The following CMTM7 variants were observed in gnomAD, a reference collection of about 807,000 sequenced individuals.
The protein encoded by CMTM7 is CKLF like MARVEL transmembrane domain containing 7.
Under a neutral mutation model 19.3 loss-of-function variants are expected in CMTM7, and 7 were observed. That is an observed-to-expected ratio of 0.36 (90% confidence interval 0.21 to 0.68). CMTM7 has a LOEUF of 0.68. CMTM7 is among the 30% of genes least tolerant of loss of function. The probability of loss-of-function intolerance (pLI) is 0.60; values close to 1 mark genes in which losing one functional copy is unlikely to be tolerated. For synonymous variants in CMTM7, 87 were observed against 99.3 expected, an observed-to-expected ratio of 0.88 and a Z score of 0.74; for missense variants, 193 against 232.6, an observed-to-expected ratio of 0.83 and a Z score of 1.11.
At chr3:32,431,296 G>A (rs1411991908) in intron 1 of CMTM7, among the ~76,000 whole-genome samples, 1 of 152,186 alleles carries the variant, frequency 6.6e-6, no homozygotes, top group Admixed American at 6.5e-5. Context: ...TGCCAGGGGA[G>A]GTGGTTATCT....
chr3:32,453,853 GAA>G (rs1696870470), intron 4 of CMTM7, among the ~76,000 whole-genome samples: 3 of 152,160 alleles, frequency 2.0e-5, no homozygotes, highest in Non-Finnish European at 4.4e-5. Flanking sequence ...AGAAAAAAAA[GAA>G]TGATTTTTAA....
intron 1 of CMTM7, among the ~76,000 whole-genome samples, chr3:32,395,871 AAC>A (rs538154974): frequency 2.2e-4 from 33 of 152,248 alleles, no homozygotes; most frequent in South Asian, 1.0e-3. Context: ...AAATGAAAAC[AAC>A]ACAGTTGCCC....
In CMTM7 at chr3:32,426,780, A is replaced by AT. The variant is rs1429836871; in HGVS notation, c.160-15058dup. Among the ~76,000 whole-genome samples, 12 of 152,364 alleles carry AT rather than the reference A, an allele frequency of 7.9e-5. No homozygotes were observed. In the South Asian group the frequency reaches 2.5e-3, roughly 32 times the overall value. ...GGCCGATATGCATGAGTGTTTTAAA[A>AT]TTATTAGAGGTGAAGTTATTGGTTC... On this transcript the variant is annotated intron_variant, in intron 1 of 4. Transcript: ENST00000334983.
intron 1 of CMTM7, among the ~76,000 whole-genome samples, chr3:32,434,442 G>A (rs1696564737): frequency 6.7e-6 from 1 of 148,904 alleles, no homozygotes; most frequent in African/African-American, 2.5e-5. Flanking sequence ...GACTACAGGT[G>A]CATACCACCA....
chr3:32,441,998 C>G lies in CMTM7; in HGVS notation c.318C>G (p.Ile106Met), dbSNP rs1696685472. The change falls in exon 2 of 5, where the codon ATC becomes ATG. Residue 106 changes from isoleucine (I) to methionine (M), a missense_variant. Physicochemically the swap from Ile to Met is conservative, Grantham distance 10. Coordinates refer to ENST00000334983, the MANE Select transcript of CMTM7 (RefSeq NM_138410.4). ...GCTTCTACCGCGTGCTCACCTGTAT[C>G]AGCTGGCCCCTGTCGGTAAGAGAGT... ...LFRFYRVLTC[I>M]SWPLSELLHY... The G allele has an allele frequency of 6.2e-7, 1 of 1,614,050 alleles. No individual in the cohort carries two copies. Among genetic ancestry groups the G allele is most frequent in the South Asian group, 1.1e-5 (1 of 91,084 alleles).
intron 2 of CMTM7, among the ~76,000 whole-genome samples, chr3:32,445,703 A>G (rs905366505): frequency 6.6e-6 from 1 of 151,612 alleles, no homozygotes; most frequent in Non-Finnish European, 1.5e-5. Flanking sequence ...TTTGGTAGAG[A>G]TAAGGTCTCC....
chr3:32,451,341 G>A (rs1342359489), intron 3 of CMTM7: 1 of 152,284 alleles, frequency 6.6e-6, no homozygotes, highest in East Asian at 1.9e-4. Context: ...GGAGGCCTTT[G>A]TGTGGGTCTG....
intron 2 of CMTM7, among the ~76,000 whole-genome samples, chr3:32,444,507 T>C (rs1313225360): frequency 6.6e-6 from 1 of 152,214 alleles, no homozygotes; most frequent in Non-Finnish European, 1.5e-5. Context: ...CTCCCAATTA[T>C]TCTTCTTTTT....
In CMTM7 at chr3:32,398,085, G is replaced by T. The variant is rs554769497; in HGVS notation, c.159+6020G>T. 3.0e-4 allele frequency among the ~76,000 whole-genome samples: 46 copies of T among 152,302 alleles called. No homozygotes were observed. The South Asian group carries it at 4.3e-3, about 14-fold the overall frequency. On this transcript the variant is annotated intron_variant, in intron 1 of 4. Transcript: ENST00000334983. ...CAATATATGTTTAAGTTAGAGATAA[G>T]TGGTATGTTAGGGTTGGGAAGGAAA...
intron 1 of CMTM7, among the ~76,000 whole-genome samples, chr3:32,440,156 C>G (rs947936297): frequency 2.0e-5 from 3 of 152,068 alleles, no homozygotes; most frequent in African/African-American, 7.2e-5. Flanking sequence ...CCTGTAATCA[C>G]AGCACTTTGG....
At position 32,449,454 on chromosome 3, in the gene CMTM7, G is replaced by C; in HGVS notation, c.334G>C (p.Glu112Gln). Residue 112 changes from glutamate to glutamine, a missense_variant and splice_region_variant, in exon 3 of 5, where the codon GAA becomes CAA. Transcript: ENST00000334983. The surrounding 1 kb of genome is among the most constrained non-coding windows in gnomAD (Gnocchi z 4.5). ...VLTCISWPLS[E>Q]LLHYLIGTLL... ...TTATTTGCTTTGTTTCTGCCCCCAGGAACTTCTGCACTATTTAATCGGTAC... is the reference window on the plus strand; with the variant it reads ...TTATTTGCTTTGTTTCTGCCCCCAGCAACTTCTGCACTATTTAATCGGTAC... 6.2e-7 allele frequency: 1 copy of C among 1,612,648 alleles called. No homozygotes were observed. Among genetic ancestry groups the C allele is most frequent in the Non-Finnish European group, 8.5e-7 (1 of 1,178,672 alleles).
At chr3:32,444,644 T>C (rs1575125435) in intron 2 of CMTM7, among the ~76,000 whole-genome samples, 1 of 152,268 alleles carries the variant, frequency 6.6e-6, no homozygotes, top group East Asian at 1.9e-4. Context: ...AGAATATTGC[T>C]ATCCTAATAA....
chr3:32,396,767 AG>A (rs1354260729), intron 1 of CMTM7, among the ~76,000 whole-genome samples: 1 of 152,162 alleles, frequency 6.6e-6, no homozygotes, highest in Non-Finnish European at 1.5e-5. Context: ...CCCCTGCAGG[AG>A]TCACAAAAGC....
chr3:32,435,043 A>G (rs947286227), intron 1 of CMTM7, among the ~76,000 whole-genome samples: 4 of 152,198 alleles, frequency 2.6e-5, no homozygotes, highest in Non-Finnish European at 5.9e-5. Context: ...TTTGGTAATA[A>G]ACAACAAAAT....
intron 1 of CMTM7, among the ~76,000 whole-genome samples, chr3:32,429,281 C>T (rs1356038680): frequency 6.8e-6 from 1 of 147,134 alleles, no homozygotes; most frequent in Non-Finnish European, 1.5e-5. Context: ...TTTCTCTAAG[C>T]TTATTGAGTA....
At chr3:32,419,130 C>G (rs1206452149) in intron 1 of CMTM7, among the ~76,000 whole-genome samples, 1 of 152,108 alleles carries the variant, frequency 6.6e-6, no homozygotes, top group Non-Finnish European at 1.5e-5. Flanking sequence ...AAATATTTCC[C>G]TTTTTGCTGC....
intron 1 of CMTM7, among the ~76,000 whole-genome samples, chr3:32,426,650 T>C (rs894795784): frequency 2.0e-5 from 3 of 152,334 alleles, no homozygotes; most frequent in Non-Finnish European, 4.4e-5. Flanking sequence ...TATTTTGTCA[T>C]AAGGCTAAAC....
intron 1 of CMTM7, among the ~76,000 whole-genome samples, chr3:32,401,355 G>T (rs891347214): frequency 2.6e-5 from 4 of 152,298 alleles, no homozygotes; most frequent in Middle Eastern, 6.8e-3. Context: ...CGAGTGAGGC[G>T]ATAGGGATGG....
chr3:32,441,139 G>A (rs1361606565), intron 1 of CMTM7, among the ~76,000 whole-genome samples: 1 of 152,150 alleles, frequency 6.6e-6, no homozygotes, highest in African/African-American at 2.4e-5. Context: ...TACACTTTTG[G>A]GAGGTAGAAC....
Sources: gnomAD v4.1 joint callset for allele counts (sites outside exome capture counted in the v4.1 genomes callset) on GRCh38, gnomAD v4.1.1 for gene constraint, Gnocchi (gnomAD v3.1) non-coding constraint, MANE v1.5 for transcripts, NCBI Gene and HGNC (gene_info 2026-07-23, HGNC 2026-07-21) for gene names.